RAPGEF4: variants seen among roughly 807,000 people sequenced by gnomAD.
RAPGEF4 encodes Rap guanine nucleotide exchange factor 4.
A neutral mutation model predicts 147.9 loss-of-function variants in RAPGEF4; 66 were observed. The observed-to-expected ratio is 0.45, with a 90% CI of 0.37 to 0.55. The LOEUF (loss-of-function observed/expected upper bound fraction) is 0.55. Among genes scored for constraint, RAPGEF4 ranks in the 20% least tolerant of loss-of-function variants. RAPGEF4 has a pLI of 0.00. For missense variants in RAPGEF4, 1,071 were observed against 1,257.3 expected (o/e 0.85, Z 2.24); for synonymous variants, 419 against 442.7 (o/e 0.95, Z 0.67).
intron 3 of RAPGEF4, among the ~76,000 whole-genome samples, chr2:172,797,893 A>C (rs943036322): frequency 6.6e-6 from 1 of 152,212 alleles, no homozygotes; most frequent in Admixed American, 6.5e-5. Flanking sequence ...AAATGCAAGC[A>C]ATTTCAGTGT....
chr2:173,010,836 A>G (rs1224154737), intron 17 of RAPGEF4, among the ~76,000 whole-genome samples: 2 of 152,196 alleles, frequency 1.3e-5, no homozygotes, highest in Admixed American at 6.5e-5. Flanking sequence ...GGGGAACCCT[A>G]TGTGTTGCCT....
At chr2:172,863,185 G>A (rs1694223314) in intron 4 of RAPGEF4, among the ~76,000 whole-genome samples, 2 of 152,198 alleles carry the variant, frequency 1.3e-5, no homozygotes, top group South Asian at 2.1e-4. Flanking sequence ...TAATGTGTGT[G>A]TGTGTTCTCT....
At chr2:172,960,602 A>G (rs1445110429) in intron 6 of RAPGEF4, among the ~76,000 whole-genome samples, 158 bp from the exon 7 acceptor site, 2 of 152,172 alleles carry the variant, frequency 1.3e-5, no homozygotes, top group Non-Finnish European at 2.9e-5. Context: ...TTGAATGCCT[A>G]TGCATTCAAG....
intron 4 of RAPGEF4, among the ~76,000 whole-genome samples, chr2:172,847,094 C>T (rs1692282179): frequency 6.6e-6 from 1 of 152,160 alleles, no homozygotes; most frequent in Non-Finnish European, 1.5e-5. Context: ...GAATTGGGGA[C>T]ATACGGGCCT....
At chr2:172,922,381 G>T in intron 6 of RAPGEF4, 81 bp downstream of exon 6, 1 of 1,340,798 alleles carries the variant, frequency 7.5e-7, no homozygotes. Context: ...CCAACAAAGA[G>T]AGCTCTTGAC....
chr2:172,796,816 T>C (rs955771812), intron 2 of RAPGEF4, among the ~76,000 whole-genome samples: 3 of 152,218 alleles, frequency 2.0e-5, no homozygotes, highest in Admixed American at 2.0e-4. Flanking sequence ...TGAAGAGGAT[T>C]TTAAAATATC....
intron 4 of RAPGEF4, among the ~76,000 whole-genome samples, chr2:172,908,282 A>T (rs1699806319): frequency 1.3e-5 from 2 of 152,268 alleles, no homozygotes; most frequent in South Asian, 4.1e-4. Context: ...GACATAGAAT[A>T]AAATTTGAGC....
At chr2:172,761,785 A>C (rs1169080144) in intron 1 of RAPGEF4, among the ~76,000 whole-genome samples, 1 of 151,988 alleles carries the variant, frequency 6.6e-6, no homozygotes, top group Non-Finnish European at 1.5e-5. Context: ...AGAATGGGTA[A>C]CTCTCAATGC....
intron 9 of RAPGEF4, among the ~76,000 whole-genome samples, chr2:172,966,712 A>T (rs925035909): frequency 2.0e-5 from 3 of 152,244 alleles, no homozygotes; most frequent in African/African-American, 7.2e-5. Flanking sequence ...AAATCCTTCT[A>T]GCAGTATATG....
At chr2:172,739,131 A>T in intron 1 of RAPGEF4, among the ~76,000 whole-genome samples, 1 of 152,212 alleles carries the variant, frequency 6.6e-6, no homozygotes, top group Non-Finnish European at 1.5e-5. Context: ...TACTAATCTT[A>T]AAACCAGAAA....
intron 6 of RAPGEF4, among the ~76,000 whole-genome samples, chr2:172,944,821 C>G (rs761048411): frequency 6.6e-6 from 1 of 152,122 alleles, no homozygotes; most frequent in Non-Finnish European, 1.5e-5. Context: ...AATAAAAGAA[C>G]ACAAGAACAT....
At chr2:172,919,355 A>C (rs1458318769) in intron 5 of RAPGEF4, among the ~76,000 whole-genome samples, 1 of 152,042 alleles carries the variant, frequency 6.6e-6, no homozygotes. Flanking sequence ...TTTGCCCCAT[A>C]CTTCTTGAAT....
intron 25 of RAPGEF4, among the ~76,000 whole-genome samples, chr2:173,027,955 G>A (rs571206423): frequency 6.6e-6 from 1 of 152,306 alleles, no homozygotes; most frequent in African/African-American, 2.4e-5. Flanking sequence ...GTGGCCTATG[G>A]CTGTGAGACT....
intron 4 of RAPGEF4, chr2:172,917,453 C>G: frequency 1.7e-6 from 1 of 574,666 alleles, no homozygotes; most frequent in Non-Finnish European, 3.3e-6. Flanking sequence ...CTATAAAGCT[C>G]GAGTGCCTTT....
chr2:173,006,603 C>T (rs557528043), intron 17 of RAPGEF4, among the ~76,000 whole-genome samples: 1 of 152,288 alleles, frequency 6.6e-6, no homozygotes, highest in Admixed American at 6.5e-5. Context: ...AACACAACAG[C>T]TTCCCTCACT....
At chr2:172,938,938 T>C (rs1053958615) in intron 6 of RAPGEF4, among the ~76,000 whole-genome samples, 3 of 152,226 alleles carry the variant, frequency 2.0e-5, no homozygotes, top group Non-Finnish European at 4.4e-5. Flanking sequence ...ATGCGGCATG[T>C]AGCCTTTCAC....
In RAPGEF4 at chr2:173,033,979, C is replaced by T. The variant is rs201492551; in HGVS notation, c.2700+15C>T. ...AAAGTTTAATGGTAAGTGACAGTGG[C>T]TTCTTTATTCTGTTCACTGTCTACA... On this transcript the variant is annotated intron_variant, in intron 27 of 30. Transcript: ENST00000397081. 70 of 1,604,750 alleles carry T rather than the reference C, an allele frequency of 4.4e-5. No individual in the cohort carries two copies. Among genetic ancestry groups the T allele is most frequent in the Non-Finnish European group, 1.0e-5 (12 of 1,175,240 alleles).
At chr2:172,794,255 T>C (rs759506095) in intron 1 of RAPGEF4, among the ~76,000 whole-genome samples, 2 of 148,792 alleles carry the variant, frequency 1.3e-5, no homozygotes, top group Non-Finnish European at 3.0e-5. Context: ...AGCGGGCGGC[T>C]GTATTCGCTT....
At chr2:172,786,653 C>A (rs1219849008) in intron 1 of RAPGEF4, among the ~76,000 whole-genome samples, 1 of 152,048 alleles carries the variant, frequency 6.6e-6, no homozygotes, top group Non-Finnish European at 1.5e-5. Flanking sequence ...AGTGGGAAGA[C>A]TGCTTGAGGC....
Sources: allele counts gnomAD v4.1 joint callset (sites outside exome capture counted in the v4.1 genomes callset), GRCh38; gene constraint gnomAD v4.1.1; transcripts MANE v1.5; gene names NCBI Gene and HGNC (gene_info 2026-07-23, HGNC 2026-07-21).